WWOX: variants seen among roughly 807,000 people sequenced by gnomAD.
WWOX encodes WW domain-containing oxidoreductase.
A neutral mutation model predicts 46.2 loss-of-function variants in WWOX; 69 were observed. The ratio of observed to expected loss-of-function variants is 1.49; its 90% CI spans 1.23 to 1.82. The LOEUF is 1.82. WWOX is among the 40% of genes most tolerant of loss of function. The probability of loss-of-function intolerance (pLI) is 0.00; values close to 1 mark genes in which losing one functional copy is unlikely to be tolerated. For missense variants in WWOX, 919 were observed against 542.6 expected, an observed-to-expected ratio of 1.69 and a Z score of -6.89; for synonymous variants, 359 against 202.6, an observed-to-expected ratio of 1.77 and a Z score of -6.56.
At chr16:78,742,793 T>C (rs1220291331) in intron 8 of WWOX, among the ~76,000 whole-genome samples, 1 of 152,176 alleles carries the variant, frequency 6.6e-6, no homozygotes, top group Non-Finnish European at 1.5e-5. Flanking sequence ...CTGATGTTCT[T>C]GGGAAACTTT....
chr16:78,605,551 T>C (rs1032209620), intron 8 of WWOX, among the ~76,000 whole-genome samples: 2 of 152,116 alleles, frequency 1.3e-5, no homozygotes, highest in African/African-American at 4.8e-5. Flanking sequence ...ATGGAAAATA[T>C]GCCCAGAGTT....
At chr16:78,774,968 G>C (rs2050153826) in intron 8 of WWOX, among the ~76,000 whole-genome samples, 1 of 152,146 alleles carries the variant, frequency 6.6e-6, no homozygotes, top group Non-Finnish European at 1.5e-5. Context: ...TGTGGTGTAT[G>C]CTCGAAGAGG....
chr16:78,347,515 C>A (rs540896054), intron 5 of WWOX, among the ~76,000 whole-genome samples: 1 of 118,384 alleles, frequency 8.4e-6, no homozygotes, highest in Non-Finnish European at 2.0e-5. Flanking sequence ...GACACCCACA[C>A]CTCTTGCATG....
chr16:78,450,502 A>T (rs1438204566), intron 8 of WWOX, among the ~76,000 whole-genome samples: 1 of 152,200 alleles, frequency 6.6e-6, no homozygotes, highest in Non-Finnish European at 1.5e-5. Context: ...TATAAAAAGT[A>T]TATTTGCCGG....
At chr16:78,154,026 G>T (rs1209445003) in intron 4 of WWOX, among the ~76,000 whole-genome samples, 1 of 152,086 alleles carries the variant, frequency 6.6e-6, no homozygotes, top group African/African-American at 2.4e-5. Flanking sequence ...GAGTCTCATG[G>T]TGTGCGGCTG....
chr16:78,700,364 A>G (rs1425405629), intron 8 of WWOX, among the ~76,000 whole-genome samples: 1 of 126,560 alleles, frequency 7.9e-6, no homozygotes, highest in Non-Finnish European at 1.7e-5. Flanking sequence ...GAGAGAGACC[A>G]TCTCTCTTGT....
At chr16:78,789,428 T>C (rs2050539405) in intron 8 of WWOX, among the ~76,000 whole-genome samples, 2 of 152,234 alleles carry the variant, frequency 1.3e-5, no homozygotes, top group Non-Finnish European at 2.9e-5. Context: ...TTAAATGGTC[T>C]TTGCACCCTT....
intron 5 of WWOX, among the ~76,000 whole-genome samples, chr16:78,201,410 G>T (rs773954510): frequency 6.6e-6 from 1 of 152,196 alleles, no homozygotes; most frequent in Non-Finnish European, 1.5e-5. Context: ...TTCTAAGACT[G>T]TATTCTAAGT....
intron 8 of WWOX, among the ~76,000 whole-genome samples, chr16:78,567,389 C>CAAAA (rs749420776): frequency 6.7e-4 from 93 of 138,666 alleles, no homozygotes; most frequent in African/African-American, 2.1e-3. Context: ...ACTAAAAATA[C>CAAAA]AAAAAAAAAA....
At chr16:79,054,937 C>A (rs1012300227) in intron 8 of WWOX, among the ~76,000 whole-genome samples, 1 of 152,106 alleles carries the variant, frequency 6.6e-6, no homozygotes, top group Admixed American at 6.5e-5. Context: ...CAGCAAATAC[C>A]AAGTGAGATT....
At chr16:78,863,941 G>A (rs2043947658) in intron 8 of WWOX, among the ~76,000 whole-genome samples, 1 of 152,144 alleles carries the variant, frequency 6.6e-6, no homozygotes, top group East Asian at 1.9e-4. Flanking sequence ...CTCTCTTTGT[G>A]TGGCTGAATA....
chr16:78,813,953 C>T (rs1274663041), intron 8 of WWOX, among the ~76,000 whole-genome samples: 1 of 152,134 alleles, frequency 6.6e-6, no homozygotes, highest in East Asian at 1.9e-4. Context: ...AAGCTTGTCT[C>T]CCCACCCCCA....
intron 8 of WWOX, among the ~76,000 whole-genome samples, chr16:79,195,897 T>G (rs1395702266): frequency 2.6e-5 from 4 of 152,216 alleles, no homozygotes; most frequent in Admixed American, 2.6e-4. Flanking sequence ...CGTCACTGTT[T>G]TTCTTATTTG....
At position 78,623,296 on chromosome 16, in the gene WWOX, A is replaced by G. The variant is rs79196508; in HGVS notation, c.1056+190544A>G. 3.2e-3 allele frequency among the ~76,000 whole-genome samples: 491 copies of G among 152,326 alleles called. 5 individuals are homozygous for G. Among genetic ancestry groups the G allele is most frequent in the African/African-American group, 0.011 (468 of 41,584 alleles). Reference sequence around the variant, plus strand: ...ACCCTGGATAGTAGACAGAGACTGCATCTTTCTTTGGCATTTGGCTGCACA... The same window carrying G: ...ACCCTGGATAGTAGACAGAGACTGCGTCTTTCTTTGGCATTTGGCTGCACA... On this transcript the variant is annotated intron_variant, in intron 8 of 8. Transcript: ENST00000566780.
At chr16:79,109,471 G>C (rs2049375355) in intron 8 of WWOX, among the ~76,000 whole-genome samples, 1 of 152,054 alleles carries the variant, frequency 6.6e-6, no homozygotes, top group South Asian at 2.1e-4. Flanking sequence ...GGGCAGGTTG[G>C]TTTTAAATTC....
At chr16:78,792,044 C>A (rs1049286704) in intron 8 of WWOX, among the ~76,000 whole-genome samples, 2 of 152,084 alleles carry the variant, frequency 1.3e-5, no homozygotes, top group African/African-American at 4.8e-5. Context: ...GCTACACATC[C>A]CATAGTCAGC....
At chr16:78,453,753 T>C (rs1407761807) in intron 8 of WWOX, among the ~76,000 whole-genome samples, 4 of 152,358 alleles carry the variant, frequency 2.6e-5, no homozygotes, top group African/African-American at 9.6e-5. Flanking sequence ...ATTAAGTCAA[T>C]TAAATACTTA....
intron 8 of WWOX, among the ~76,000 whole-genome samples, chr16:78,846,806 A>C (rs149160697): frequency 1.3e-5 from 2 of 152,306 alleles, no homozygotes; most frequent in South Asian, 2.1e-4. Flanking sequence ...AATGATTAAT[A>C]CTGTGGTATT....
chr16:78,330,867 T>C (rs549428361), intron 5 of WWOX, among the ~76,000 whole-genome samples: 2 of 152,388 alleles, frequency 1.3e-5, no homozygotes, highest in South Asian at 4.1e-4. Context: ...ATTAGATTTT[T>C]GTAAGCTGAG....
Sources: gnomAD v4.1 joint callset for allele counts (sites outside exome capture counted in the v4.1 genomes callset) on GRCh38, gnomAD v4.1.1 for gene constraint, MANE v1.5 for transcripts, NCBI Gene and HGNC (gene_info 2026-07-23, HGNC 2026-07-21) for gene names.